BRINP3: variants seen among roughly 807,000 people sequenced by gnomAD.
BRINP3 encodes BMP/retinoic acid inducible neural specific 3.
BRINP3 carries 19 observed loss-of-function variants against 71.0 expected under a neutral mutation model. That is an observed-to-expected ratio of 0.27 (90% CI 0.19 to 0.39). BRINP3 has a LOEUF of 0.39. BRINP3 is among the 10% of genes least tolerant of loss of function. The probability of loss-of-function intolerance (pLI) is 1.00; values close to 1 mark genes in which losing one functional copy is unlikely to be tolerated. For missense variants in BRINP3, 959 were observed against 940.8 expected, an observed-to-expected ratio of 1.02 and a Z score of -0.25; for synonymous variants, 380 against 337.7, an observed-to-expected ratio of 1.13 and a Z score of -1.37.
intron 2 of BRINP3, among the ~76,000 whole-genome samples, chr1:190,388,048 CAAAT>C (rs1272362226): frequency 2.6e-5 from 4 of 151,746 alleles, no homozygotes; most frequent in African/African-American, 9.7e-5. Context: ...TTAAGAGCAA[CAAAT>C]AAATATAAGC....
At chr1:190,337,394 T>C (rs1418062648) in intron 2 of BRINP3, among the ~76,000 whole-genome samples, 1 of 152,004 alleles carries the variant, frequency 6.6e-6, no homozygotes, top group Non-Finnish European at 1.5e-5. Context: ...AGGGGATTAA[T>C]ATTTGAGTCA....
rs369501817 is a variant in BRINP3, at chr1:190,207,695, G to A, written c.961+18387C>T. On this transcript the variant is annotated intron_variant, in intron 6 of 7. Coordinates refer to ENST00000367462, the MANE Select transcript of BRINP3 (RefSeq NM_199051.3). Reference sequence around the variant, plus strand: ...CAAACAGATTTAATAATTGCTATGAGTCATGTGGCTACACTTCACAAAGTT... The same window carrying A: ...CAAACAGATTTAATAATTGCTATGAATCATGTGGCTACACTTCACAAAGTT... Among the ~76,000 whole-genome samples, 105 of 152,184 alleles carry A rather than the reference G, an allele frequency of 6.9e-4. 3 individuals carry two copies. In the South Asian group the frequency reaches 0.022, roughly 31 times the overall value.
chr1:190,402,001 A>T (rs1044398978), intron 2 of BRINP3, among the ~76,000 whole-genome samples: 2 of 151,968 alleles, frequency 1.3e-5, no homozygotes, highest in Non-Finnish European at 2.9e-5. Context: ...CTATATATAT[A>T]TTTCATTACA....
intron 2 of BRINP3, among the ~76,000 whole-genome samples, chr1:190,324,237 C>G (rs183818958): frequency 1.3e-5 from 2 of 151,672 alleles, no homozygotes; most frequent in Non-Finnish European, 3.0e-5. Flanking sequence ...TGTCTCGGAA[C>G]ACGAAAGCTC....
chr1:190,331,935 C>A (rs1666990560), intron 2 of BRINP3, among the ~76,000 whole-genome samples: 2 of 151,926 alleles, frequency 1.3e-5, no homozygotes, highest in Admixed American at 6.6e-5. Context: ...GTTATCAATG[C>A]ATCACTAGTA....
intron 2 of BRINP3, among the ~76,000 whole-genome samples, chr1:190,331,801 C>A (rs2103081948): frequency 6.6e-6 from 1 of 152,116 alleles, no homozygotes; most frequent in African/African-American, 2.4e-5. Context: ...ATTGTGGCAT[C>A]TATTACTTGC....
At chr1:190,386,277 C>CA (rs1320681468) in intron 2 of BRINP3, among the ~76,000 whole-genome samples, 14 of 148,390 alleles carry the variant, frequency 9.4e-5, no homozygotes, top group Middle Eastern at 3.5e-3. Context: ...AAATAAACTA[C>CA]AAAAAAAAAT....
At chr1:190,380,946 A>G (rs1670509349) in intron 2 of BRINP3, among the ~76,000 whole-genome samples, 1 of 152,120 alleles carries the variant, frequency 6.6e-6, no homozygotes, top group Non-Finnish European at 1.5e-5. Flanking sequence ...GATATTTACA[A>G]ATCTCTAAAA....
At chr1:190,293,320 G>T (rs1472062664) in intron 2 of BRINP3, among the ~76,000 whole-genome samples, 3 of 151,652 alleles carry the variant, frequency 2.0e-5, no homozygotes, top group Non-Finnish European at 2.9e-5. Context: ...CCATGTATTT[G>T]TACAGTTTCC....
intron 2 of BRINP3, among the ~76,000 whole-genome samples, chr1:190,347,692 G>A (rs2102025014): frequency 6.6e-6 from 1 of 152,132 alleles, no homozygotes; most frequent in South Asian, 2.1e-4. Context: ...ACTCACTAAT[G>A]CTATAAATTT....
chr1:190,368,445 G>C (rs1169964096), intron 2 of BRINP3, among the ~76,000 whole-genome samples: 1 of 151,994 alleles, frequency 6.6e-6, no homozygotes, highest in East Asian at 1.9e-4. Flanking sequence ...TGACTGAGTG[G>C]TTAAGTTAAA....
chr1:190,341,352 T>G (rs1667642576), intron 2 of BRINP3, among the ~76,000 whole-genome samples: 1 of 151,900 alleles, frequency 6.6e-6, no homozygotes, highest in Non-Finnish European at 1.5e-5. Flanking sequence ...ACTACTTTTA[T>G]TATACATGAT....
chr1:190,433,813 T>C (rs1674266465), intron 2 of BRINP3, among the ~76,000 whole-genome samples: 1 of 152,190 alleles, frequency 6.6e-6, no homozygotes, highest in Non-Finnish European at 1.5e-5. Flanking sequence ...GTTTTGGTCA[T>C]GCTAATTAAC....
chr1:190,379,862 G>C (rs1279813190), intron 2 of BRINP3, among the ~76,000 whole-genome samples: 1 of 151,678 alleles, frequency 6.6e-6, no homozygotes, highest in African/African-American at 2.4e-5. Context: ...ACCTGGGTGT[G>C]GTGGTGTGCA....
At chr1:190,372,076 C>G (rs569800148) in intron 2 of BRINP3, among the ~76,000 whole-genome samples, 4 of 152,134 alleles carry the variant, frequency 2.6e-5, no homozygotes, top group Non-Finnish European at 5.9e-5. Flanking sequence ...GAAACCACTT[C>G]TCCAGGGCAC....
At chr1:190,412,114 CTT>C (rs1391087965) in intron 2 of BRINP3, among the ~76,000 whole-genome samples, 1 of 151,634 alleles carries the variant, frequency 6.6e-6, no homozygotes, top group East Asian at 1.9e-4. Flanking sequence ...AGCTTCCTAA[CTT>C]TGCAATACCT....
intron 2 of BRINP3, among the ~76,000 whole-genome samples, chr1:190,328,903 C>T (rs1053495696): frequency 1.3e-5 from 2 of 151,820 alleles, no homozygotes; most frequent in Non-Finnish European, 2.9e-5. Flanking sequence ...ACCACATAAA[C>T]AGAATTAAAA....
At chr1:190,464,043 A>G (rs1676571954) in intron 1 of BRINP3, among the ~76,000 whole-genome samples, 1 of 151,898 alleles carries the variant, frequency 6.6e-6, no homozygotes, top group Non-Finnish European at 1.5e-5. Context: ...AATAATATGT[A>G]AAAATGGGAA....
intron 4 of BRINP3, among the ~76,000 whole-genome samples, chr1:190,256,399 T>C (rs892560190): frequency 6.6e-6 from 1 of 152,132 alleles, no homozygotes; most frequent in African/African-American, 2.4e-5. Flanking sequence ...ATGAGATGGG[T>C]CTCCTGAATA....
Sources: allele counts gnomAD v4.1 joint callset (sites outside exome capture counted in the v4.1 genomes callset), GRCh38; gene constraint gnomAD v4.1.1; transcripts MANE v1.5; gene names NCBI Gene and HGNC (gene_info 2026-07-23, HGNC 2026-07-21).